CDIN1: variants seen among roughly 807,000 people sequenced by gnomAD.
The protein encoded by CDIN1 is CDAN1 interacting nuclease 1.
CDIN1 carries 33 observed loss-of-function variants against 45.3 expected under a neutral mutation model. The ratio of observed to expected loss-of-function variants is 0.73; its 90% CI spans 0.55 to 0.97. The LOEUF is 0.97. Ranked by LOEUF, CDIN1 falls within the 50% of genes least tolerant of loss-of-function variation. The probability of loss-of-function intolerance (pLI) is 0.00; values close to 1 mark genes in which losing one functional copy is unlikely to be tolerated. For synonymous variants in CDIN1, 118 were observed against 124.4 expected (o/e 0.95, Z 0.34); for missense variants, 303 against 339.4 (o/e 0.89, Z 0.84).
intron 1 of CDIN1, among the ~76,000 whole-genome samples, chr15:36,593,596 C>T (rs933690784): frequency 5.3e-5 from 8 of 152,224 alleles, no homozygotes; most frequent in South Asian, 4.2e-4. Flanking sequence ...AATGGAGTCT[C>T]GCTCTCACTG....
At chr15:36,790,016 G>T (rs538595814) in intron 10 of CDIN1, among the ~76,000 whole-genome samples, 1 of 152,086 alleles carries the variant, frequency 6.6e-6, no homozygotes, top group Non-Finnish European at 1.5e-5. Flanking sequence ...ATTGATCTAC[G>T]TTTGTTATAT....
At chr15:36,751,882 C>CAAATTAACGCAGGAACAGA (rs1158567609) in intron 10 of CDIN1, among the ~76,000 whole-genome samples, 1 of 152,154 alleles carries the variant, frequency 6.6e-6, no homozygotes, top group Admixed American at 6.5e-5. Context: ...TTATGCTCAG[C>CAAATTAACGCAGGAACAGA]AAACTAACGC....
At chr15:36,651,561 C>T (rs545518046) in intron 3 of CDIN1, among the ~76,000 whole-genome samples, 108 of 152,062 alleles carry the variant, frequency 7.1e-4, no homozygotes, top group Non-Finnish European at 1.2e-3. Context: ...ATTTTTTTTC[C>T]TACCACTTAT....
chr15:36,646,018 A>G (rs2040314046), intron 3 of CDIN1, among the ~76,000 whole-genome samples: 1 of 152,158 alleles, frequency 6.6e-6, no homozygotes, highest in Non-Finnish European at 1.5e-5. Flanking sequence ...TGACTGAATA[A>G]TTTATAACAC....
intron 10 of CDIN1, chr15:36,747,207 T>C (rs2044477243): frequency 2.6e-6 from 1 of 381,742 alleles, no homozygotes; most frequent in Admixed American, 4.5e-5. Context: ...GTTTGTTATA[T>C]TATCTCTCTA....
intron 10 of CDIN1, among the ~76,000 whole-genome samples, chr15:36,800,451 T>C (rs2054973350): frequency 6.6e-6 from 1 of 152,198 alleles, no homozygotes; most frequent in Non-Finnish European, 1.5e-5. Flanking sequence ...CTATTATTAT[T>C]GTACACGTAT....
intron 1 of CDIN1, among the ~76,000 whole-genome samples, chr15:36,643,041 T>TG (rs2040174685): frequency 6.6e-6 from 1 of 152,160 alleles, no homozygotes; most frequent in Non-Finnish European, 1.5e-5. Flanking sequence ...TATATAAAAT[T>TG]GGCTCTTTCA....
rs2055324266 is a variant in CDIN1 at position 36,809,110 on chromosome 15, T to A, written c.*657T>A. ...AAGCCAAGTGCAAAAATACACTTGATGAGAATTTCCTCTTTTAATAATGTT... is the reference window on the plus strand; with the variant it reads ...AAGCCAAGTGCAAAAATACACTTGAAGAGAATTTCCTCTTTTAATAATGTT... On this transcript the variant is annotated 3_prime_UTR_variant, in exon 11 of 11. Transcript: ENST00000566621. The A allele has an allele frequency of 2.9e-6, 1 of 342,742 alleles. No homozygotes were observed. Among genetic ancestry groups the A allele is most frequent in the Admixed American group, 3.9e-5 (1 of 25,530 alleles). The allele number at this position is 342,742 out of a possible 1,614,324, so 21.2% of individuals were successfully genotyped here.
chr15:36,736,419 A>C (rs572346673), intron 10 of CDIN1, among the ~76,000 whole-genome samples: 64 of 152,158 alleles, frequency 4.2e-4, no homozygotes, highest in Admixed American at 8.5e-4. Flanking sequence ...TCTACTCCCC[A>C]ACCCACTTAA....
chr15:36,661,061 G>A (rs960529698), intron 5 of CDIN1, among the ~76,000 whole-genome samples: 2 of 152,182 alleles, frequency 1.3e-5, no homozygotes, highest in Admixed American at 6.5e-5. Flanking sequence ...GAGCATGTGA[G>A]GCCAGTGTAC....
chr15:36,602,221 C>A (rs985436491), intron 1 of CDIN1, among the ~76,000 whole-genome samples: 1 of 152,350 alleles, frequency 6.6e-6, no homozygotes, highest in South Asian at 2.1e-4. Flanking sequence ...TGCATCTTGT[C>A]TTCTACTTAA....
intron 10 of CDIN1, among the ~76,000 whole-genome samples, chr15:36,770,459 T>C (rs1437294402): frequency 6.6e-6 from 1 of 151,900 alleles, no homozygotes; most frequent in Non-Finnish European, 1.5e-5. Flanking sequence ...TTATTATTAT[T>C]ATTATTGGAG....
intron 10 of CDIN1, among the ~76,000 whole-genome samples, chr15:36,794,313 C>A (rs1296970076): frequency 6.6e-6 from 1 of 152,116 alleles, no homozygotes; most frequent in African/African-American, 2.4e-5. Flanking sequence ...CCACCTCAGC[C>A]TCCCAAAGTG....
At chr15:36,702,488 T>TA (rs60936054) in intron 8 of CDIN1, among the ~76,000 whole-genome samples, 5,104 of 152,266 alleles carry the variant, frequency 0.034, 301 homozygotes, top group African/African-American at 0.12. Flanking sequence ...TGTGACCACT[T>TA]ACGATGGTGT....
At chr15:36,733,665 G>A (rs78745358) in intron 10 of CDIN1, among the ~76,000 whole-genome samples, 4,647 of 152,052 alleles carry the variant, frequency 0.031, 112 homozygotes, top group Non-Finnish European at 0.048. Flanking sequence ...ATATAATCAT[G>A]GGCATCAAAA....
At chr15:36,755,213 A>G (rs945427932) in intron 10 of CDIN1, among the ~76,000 whole-genome samples, 3 of 152,182 alleles carry the variant, frequency 2.0e-5, no homozygotes, top group Non-Finnish European at 2.9e-5. Flanking sequence ...TTAAGCATAC[A>G]TGATTTTTCC....
chr15:36,628,612 A>G (rs193096165), intron 1 of CDIN1, among the ~76,000 whole-genome samples: 1 of 152,180 alleles, frequency 6.6e-6, no homozygotes, highest in African/African-American at 2.4e-5. Flanking sequence ...TTTAGATGAC[A>G]TTTTGAACCT....
intron 10 of CDIN1, among the ~76,000 whole-genome samples, chr15:36,744,370 G>A (rs1020811546): frequency 4.6e-5 from 7 of 152,128 alleles, no homozygotes; most frequent in Admixed American, 1.3e-4. Flanking sequence ...CTGCATCCTG[G>A]GATCTAGGTC....
chr15:36,778,512 C>T (rs189717611), intron 10 of CDIN1, among the ~76,000 whole-genome samples: 1 of 152,298 alleles, frequency 6.6e-6, no homozygotes, highest in East Asian at 1.9e-4. Context: ...GCAATTATCC[C>T]AGAAAATAGT....
Sources: gnomAD v4.1 joint callset for allele counts (sites outside exome capture counted in the v4.1 genomes callset) on GRCh38, gnomAD v4.1.1 for gene constraint, MANE v1.5 for transcripts, NCBI Gene and HGNC (gene_info 2026-07-23, HGNC 2026-07-21) for gene names.